The following RIC3 variants were observed in gnomAD, a reference collection of about 807,000 sequenced individuals.
RIC3 encodes the protein RIC3 acetylcholine receptor chaperone, also known as protein RIC-3.
RIC3 carries 28 observed loss-of-function variants against 27.3 expected under a neutral mutation model. The observed-to-expected ratio is 1.02, with a 90% confidence interval of 0.76 to 1.41. The LOEUF (loss-of-function observed/expected upper bound fraction) is 1.41. Among genes scored for constraint, RIC3 ranks in the 40% most tolerant of loss-of-function variants. The probability of loss-of-function intolerance (pLI) is 0.00; values close to 1 mark genes in which losing one functional copy is unlikely to be tolerated. For synonymous variants in RIC3, 184 were observed against 160.4 expected (o/e 1.15, Z -1.11); for missense variants, 501 against 444.7 (o/e 1.13, Z -1.14).
At chr11:8,129,386 C>T (rs545017938) in intron 4 of RIC3, among the ~76,000 whole-genome samples, 3 of 152,170 alleles carry the variant, frequency 2.0e-5, no homozygotes, top group Admixed American at 6.5e-5. Context: ...TGTCCTAATG[C>T]TACTATTAAT....
intron 1 of RIC3, among the ~76,000 whole-genome samples, chr11:8,147,994 G>A (rs1219575106): frequency 6.6e-6 from 1 of 152,076 alleles, no homozygotes; most frequent in African/African-American, 2.4e-5. Context: ...CAAAGTGCTG[G>A]GATTACAGGC....
chr11:8,154,874 T>C (rs1950538870), intron 1 of RIC3, among the ~76,000 whole-genome samples: 1 of 152,206 alleles, frequency 6.6e-6, no homozygotes, highest in Non-Finnish European at 1.5e-5. Context: ...TATAGGTACT[T>C]AAGTATTCTG....
chr11:8,098,979 G>A, the RIC3 span: 26 of 867,848 alleles, frequency 3.0e-5, no homozygotes, highest in Non-Finnish European at 4.0e-5. Flanking sequence ...GGGTAGACAA[G>A]GCTGTGTGGA....
chr11:8,134,847 T>C (rs1948180738), intron 4 of RIC3, among the ~76,000 whole-genome samples: 1 of 151,930 alleles, frequency 6.6e-6, no homozygotes, highest in African/African-American at 2.4e-5. Flanking sequence ...GGGGTTGTTT[T>C]TTTCTTGTAA....
In RIC3 at chr11:8,107,009, A is replaced by AAAT. The variant is rs1402331817; in HGVS notation, c.*3686_*3688dup. 2 of 152,234 alleles carry AAAT rather than the reference A, an allele frequency of 1.3e-5. No homozygotes were observed. Among genetic ancestry groups the AAAT allele is most frequent in the African/African-American group, 2.4e-5 (1 of 41,448 alleles). The allele number at this position is 152,234 out of a possible 1,614,324, so 9.4% of individuals were successfully genotyped here. Reference sequence around the variant, plus strand: ...TCTTATTTAATCCAAACAGCCCTGTAAATAGAGCATTATTCCCAATTCATG... The same window carrying AAAT: ...TCTTATTTAATCCAAACAGCCCTGTAAATAATAGAGCATTATTCCCAATTCATG... On this transcript the variant is annotated 3_prime_UTR_variant, in exon 6 of 6. Coordinates refer to ENST00000309737, the MANE Select transcript of RIC3 (RefSeq NM_001206671.4).
chr11:8,153,519 T>C (rs1950419435), intron 1 of RIC3: 1 of 388,448 alleles, frequency 2.6e-6, no homozygotes, highest in African/African-American at 2.1e-5. Flanking sequence ...CCTTAATCTC[T>C]ATGGCACATT....
rs753132377 is a variant in RIC3, at chr11:8,132,692, CAG to C, written c.521+4684_521+4685del. 5.9e-5 allele frequency among the ~76,000 whole-genome samples: 9 copies of C among 152,262 alleles called. No individual in the cohort carries two copies. The South Asian group carries it at 1.2e-3, about 21-fold the overall frequency. On this transcript the variant is annotated intron_variant, in intron 4 of 5. Coordinates refer to ENST00000309737, the MANE Select transcript of RIC3 (RefSeq NM_001206671.4). Reference sequence around the variant, plus strand: ...CATTAAGGTAAAGTTTCAGAAACTGCAGAGTTTTCTAATTTTAAGCCAACATC... The same window carrying C: ...CATTAAGGTAAAGTTTCAGAAACTGCAGTTTTCTAATTTTAAGCCAACATC...
chr11:8,101,029 C>T, the RIC3 span: 27 of 1,612,512 alleles, frequency 1.7e-5, no homozygotes, highest in Middle Eastern at 1.6e-4. Flanking sequence ...CATTATGGTC[C>T]GTAGGATACC....
intron 1 of RIC3, among the ~76,000 whole-genome samples, chr11:8,145,535 C>G (rs78095023): frequency 0.033 from 5,018 of 151,958 alleles, 277 homozygotes; most frequent in African/African-American, 0.11. Context: ...GTATACATCT[C>G]TTTCCAATCA....
At chr11:8,101,233 C>T (rs1944287143), downstream of RIC3, among the ~76,000 whole-genome samples, 1 of 152,208 alleles carries the variant, frequency 6.6e-6, no homozygotes, top group Admixed American at 6.5e-5. Context: ...CACGGGAACA[C>T]CCTTTAAAAG....
intron 1 of RIC3, among the ~76,000 whole-genome samples, chr11:8,156,790 G>T (rs972506941): frequency 4.6e-5 from 7 of 152,166 alleles, no homozygotes; most frequent in Admixed American, 1.3e-4. Flanking sequence ...TATTCCCCAT[G>T]CCTGTAAAAC....
chr11:8,111,676 T>C (rs901951893), intron 5 of RIC3, among the ~76,000 whole-genome samples: 56 of 152,242 alleles, frequency 3.7e-4, no homozygotes, highest in Admixed American at 1.6e-3. Flanking sequence ...TAGCAAGGCA[T>C]GCCCAAGATC....
intron 1 of RIC3, among the ~76,000 whole-genome samples, chr11:8,144,101 T>C (rs1949382184): frequency 6.6e-6 from 1 of 152,164 alleles, no homozygotes; most frequent in Non-Finnish European, 1.5e-5. Flanking sequence ...GGCATTACCA[T>C]TCAGGACACA....
At chr11:8,167,658 A>AG (rs397819558) in intron 1 of RIC3, among the ~76,000 whole-genome samples, 2 of 151,408 alleles carry the variant, frequency 1.3e-5, no homozygotes, top group Non-Finnish European at 1.5e-5. Flanking sequence ...AAAAAAAAAA[A>AG]GTTTTCGAAG....
chr11:8,128,425 G>C, intron 4 of RIC3: 1 of 360,602 alleles, frequency 2.8e-6, no homozygotes, highest in Non-Finnish European at 5.4e-6. Flanking sequence ...CCAAACCAAA[G>C]CATCCTCATT....
chr11:8,102,933 C>T (rs1374079561), downstream of RIC3: 1 of 152,164 alleles, frequency 6.6e-6, no homozygotes, highest in Non-Finnish European at 1.5e-5. Flanking sequence ...TTCTGCATGC[C>T]CTCCCCACTT....
intron 4 of RIC3, among the ~76,000 whole-genome samples, chr11:8,131,107 T>TTCACTCACTCACTCAC (rs3060959): frequency 3.3e-5 from 5 of 149,416 alleles, no homozygotes; most frequent in African/African-American, 5.1e-5. Context: ...CATTCATTCA[T>TTCACTCACTCACTCAC]TCACTCACTC....
the RIC3 span, chr11:8,100,527 G>A: frequency 2.5e-6 from 4 of 1,614,064 alleles, no homozygotes; most frequent in Non-Finnish European, 3.4e-6. Context: ...AGGCTTCAAG[G>A]GGCCTCGGAA....
the RIC3 span, chr11:8,096,710 C>CGAGGATGAG: frequency 2.7e-5 from 43 of 1,612,756 alleles, no homozygotes; most frequent in African/African-American, 6.7e-5. Flanking sequence ...TGAGCTTTGA[C>CGAGGATGAG]GAGGATGAGG....
Sources: gnomAD v4.1 joint callset for allele counts (sites outside exome capture counted in the v4.1 genomes callset) on GRCh38, gnomAD v4.1.1 for gene constraint, MANE v1.5 for transcripts, NCBI Gene and HGNC (gene_info 2026-07-23, HGNC 2026-07-21) for gene names.